The following SLC28A3 variants were observed in gnomAD, a reference collection of about 807,000 sequenced individuals.
SLC28A3 encodes concentrative Na(+)-nucleoside cotransporter 3.
Under a neutral mutation model 84.2 loss-of-function variants are expected in SLC28A3, and 68 were observed. The ratio of observed to expected loss-of-function variants is 0.81; its 90% CI spans 0.66 to 0.99. The LOEUF is 0.99. SLC28A3 is among the 50% of genes least tolerant of loss of function. SLC28A3 has a pLI of 0.00. For synonymous variants in SLC28A3, 267 were observed against 303.6 expected, an observed-to-expected ratio of 0.88 and a Z score of 1.25; for missense variants, 712 against 841.5, an observed-to-expected ratio of 0.85 and a Z score of 1.90.
intron 8 of SLC28A3, among the ~76,000 whole-genome samples, chr9:84,295,614 A>G (rs965640724): frequency 6.6e-6 from 1 of 151,934 alleles, no homozygotes; most frequent in Non-Finnish European, 1.5e-5. Context: ...AACAAAACAA[A>G]CAAACAAAAA....
At chr9:84,355,392 C>A in the SLC28A3 span, among the ~76,000 whole-genome samples, 1 of 151,938 alleles carries the variant, frequency 6.6e-6, no homozygotes, top group Non-Finnish European at 1.5e-5. Context: ...GAGCTATGAT[C>A]GTGCTACTAT....
intron 10 of SLC28A3, 191 bp downstream of exon 10, chr9:84,292,477 C>CTG (rs1327858417): frequency 1.7e-3 from 300 of 175,934 alleles, no homozygotes; most frequent in East Asian, 6.2e-3. Flanking sequence ...CTCTCTCTGT[C>CTG]TCTCTCTCTC....
chr9:84,360,104 G>T, the SLC28A3 span, among the ~76,000 whole-genome samples: 1 of 152,146 alleles, frequency 6.6e-6, no homozygotes, highest in South Asian at 2.1e-4. Context: ...AACCTGTAAG[G>T]CTTTGTGGCC....
intron 1 of SLC28A3, among the ~76,000 whole-genome samples, chr9:84,319,181 C>T (rs1826277114): frequency 6.6e-6 from 1 of 152,198 alleles, no homozygotes; most frequent in Non-Finnish European, 1.5e-5. Flanking sequence ...GCCCTCTTCC[C>T]TACTGCAATA....
intron 3 of SLC28A3, among the ~76,000 whole-genome samples, chr9:84,309,275 C>T (rs1825899753): frequency 6.6e-6 from 1 of 151,928 alleles, no homozygotes; most frequent in Admixed American, 6.6e-5. Context: ...GTAATCCCAA[C>T]ACTTTGGGAG....
At chr9:84,336,192 C>T (rs989797268) in intron 1 of SLC28A3, among the ~76,000 whole-genome samples, 1 of 152,032 alleles carries the variant, frequency 6.6e-6, no homozygotes, top group Admixed American at 6.6e-5. Flanking sequence ...TGGTGAAACC[C>T]GATTTCTACA....
the SLC28A3 span, among the ~76,000 whole-genome samples, chr9:84,347,745 A>T: frequency 2.6e-5 from 4 of 152,232 alleles, no homozygotes; most frequent in East Asian, 7.7e-4. Flanking sequence ...ATGAATGCAT[A>T]GAACTGAAAG....
At chr9:84,298,443 C>T (rs547505276) in intron 6 of SLC28A3, among the ~76,000 whole-genome samples, 12 of 152,072 alleles carry the variant, frequency 7.9e-5, no homozygotes, top group South Asian at 4.1e-4. Flanking sequence ...GCTGAGATCG[C>T]GCCACTTCAC....
rs754723936 is a variant in SLC28A3 at position 84,290,212 on chromosome 9, A to C, written c.1091T>G (p.Met364Arg). Residue 364 changes from methionine to arginine, a missense_variant, in exon 11 of 18, where the codon ATG (methionine) becomes AGG (arginine). By Grantham distance (91) the Met-to-Arg change is moderately conservative. Transcript: ENST00000376238. The part of the protein sequence containing the change: ...YITKSELHAI[M>R]TAGFSTIAGS... The stretch of plus-strand genomic sequence containing the variant: ...AGCAATGGTAGAGAACCCGGCGGTC[A>C]TGATGGCGTGGAGTTCAGACTTGGT... 6.2e-6 allele frequency: 10 copies of C among 1,614,056 alleles called. No individual in the cohort carries two copies. The African/African-American group carries it at 1.3e-4, about 22-fold the overall frequency.
intron 3 of SLC28A3, among the ~76,000 whole-genome samples, chr9:84,308,717 G>A (rs1451918688): frequency 6.6e-6 from 1 of 152,216 alleles, no homozygotes; most frequent in African/African-American, 2.4e-5. Flanking sequence ...AAATACTGTA[G>A]TGTTATGATA....
rs1824946389 is a variant in SLC28A3, at chr9:84,285,519, C to T, written c.1473G>A (p.Met491Ile). ...CCACTCCCATCATGAAGGAAAAGGG[C>T]ATGAAGATGTAGGAGCAGATTAGCT... ...SFELICSYIF[M>I]PFSFMMGVEW... is the part of the protein sequence containing the mutation. Residue 491 changes from methionine (M) to isoleucine (I), a missense_variant, in exon 14 of 18, where the codon ATG (methionine) becomes ATA (isoleucine). Met to Ile is a conservative substitution (Grantham distance 10, BLOSUM62 1). Coordinates refer to ENST00000376238, the MANE Select transcript of SLC28A3 (RefSeq NM_001199633.2). 1 of 1,613,988 alleles carries T rather than the reference C, an allele frequency of 6.2e-7. No homozygotes were observed. The highest frequency in any genetic ancestry group is 1.3e-5 in the African/African-American group (1 of 74,916).
Position 84,285,205 on chromosome 9 carries a change from G to A in SLC28A3, c.1647+140C>T, listed in dbSNP as rs1247489840. The A allele has an allele frequency of 9.4e-6, 7 of 747,468 alleles. No individual in the cohort carries two copies. In the African/African-American group the frequency reaches 1.2e-4, roughly 13 times the overall value. The allele number at this position is 747,468 out of a possible 1,614,324, so 46.3% of individuals were successfully genotyped here. A position where few individuals can be genotyped will look rare whatever the true frequency, so the allele number is the denominator to read the frequency against. On this transcript the variant is annotated intron_variant, in intron 14 of 17. Transcript: ENST00000376238. ...GTGCTATGTACATTATAAGCTCCAT[G>A]AGCAATGGATTTTAGGTTGTTTTGC...
chr9:84,305,654 C>T (rs965997008), intron 3 of SLC28A3, among the ~76,000 whole-genome samples: 2 of 152,132 alleles, frequency 1.3e-5, no homozygotes, highest in South Asian at 4.1e-4. Flanking sequence ...GAAATAGTCA[C>T]AGGAAGAGAG....
upstream of SLC28A3, among the ~76,000 whole-genome samples, chr9:84,343,111 C>T (rs1457713443): frequency 1.3e-5 from 2 of 151,446 alleles, no homozygotes; most frequent in Non-Finnish European, 2.9e-5. Flanking sequence ...TGTGGTGAGT[C>T]GAGTGGAGGT....
At chr9:84,326,919 C>T (rs1272049525) in intron 1 of SLC28A3, among the ~76,000 whole-genome samples, 2 of 151,990 alleles carry the variant, frequency 1.3e-5, no homozygotes, top group African/African-American at 4.8e-5. Flanking sequence ...GCAGGAGAAT[C>T]GCTAGAACCC....
At chr9:84,339,625 GC>G (rs963802685) in intron 1 of SLC28A3, among the ~76,000 whole-genome samples, 1 of 152,242 alleles carries the variant, frequency 6.6e-6, no homozygotes, top group Middle Eastern at 3.4e-3. Flanking sequence ...GGTTTAATTT[GC>G]AGGCCTCAGG....
intron 14 of SLC28A3, among the ~76,000 whole-genome samples, chr9:84,284,125 C>G (rs983315471): frequency 1.2e-4 from 19 of 152,188 alleles, no homozygotes; most frequent in African/African-American, 4.6e-4. Flanking sequence ...TGCTCATTAA[C>G]AAAACGATTC....
chr9:84,292,347 T>C (rs1825257061), intron 10 of SLC28A3, among the ~76,000 whole-genome samples: 1 of 152,216 alleles, frequency 6.6e-6, no homozygotes, highest in African/African-American at 2.4e-5. Context: ...TCTATGTCTA[T>C]GCCTTAATAA....
At chr9:84,294,141 T>A in intron 9 of SLC28A3, 54 bp downstream of exon 9, 1 of 1,558,230 alleles carries the variant, frequency 6.4e-7, no homozygotes, top group South Asian at 1.2e-5. Flanking sequence ...GAGGACTTCG[T>A]GCCTGAGATA....
Sources: allele counts gnomAD v4.1 joint callset (sites outside exome capture counted in the v4.1 genomes callset), GRCh38; gene constraint gnomAD v4.1.1; transcripts MANE v1.5; gene names NCBI Gene and HGNC (gene_info 2026-07-23, HGNC 2026-07-21).